The following DIP2C variants were observed in gnomAD, a reference collection of about 807,000 sequenced individuals.
The protein encoded by DIP2C is disco-interacting protein 2 homolog C.
In DIP2C, 33 loss-of-function variants were observed where a neutral mutation model predicts 192.4. The ratio of observed to expected loss-of-function variants is 0.17; its 90% CI spans 0.13 to 0.23. DIP2C has a LOEUF of 0.23. DIP2C is among the 10% of genes least tolerant of loss of function. The pLI, the probability that DIP2C is intolerant of heterozygous loss-of-function variation, is 1.00. For synonymous variants in DIP2C, 979 were observed against 864.1 expected (o/e 1.13, Z -2.33); for missense variants, 1,537 against 2,110.1 (o/e 0.73, Z 5.32).
intron 28 of DIP2C, among the ~76,000 whole-genome samples, chr10:343,478 C>G (rs1958261376): frequency 6.6e-6 from 1 of 152,198 alleles, no homozygotes; most frequent in Non-Finnish European, 1.5e-5. Flanking sequence ...AACGTTCCAT[C>G]ACTATTGGAA....
chr10:282,259 C>T (rs1954871822), intron 35 of DIP2C: 1 of 152,292 alleles, frequency 6.6e-6, no homozygotes. Context: ...GCTTCCAGGA[C>T]TCAGCGGGAC....
intron 4 of DIP2C, among the ~76,000 whole-genome samples, chr10:423,680 T>C (rs1007700843): frequency 3.3e-5 from 5 of 152,218 alleles, no homozygotes; most frequent in Non-Finnish European, 5.9e-5. Context: ...GATTTGTGCG[T>C]TGGTGTGTTA....
At chr10:603,979 C>CA (rs1322103579) in intron 1 of DIP2C, among the ~76,000 whole-genome samples, 1 of 150,660 alleles carries the variant, frequency 6.6e-6, no homozygotes, top group Non-Finnish European at 1.5e-5. Context: ...CCCCAAGCCC[C>CA]TCCGGCCCCA....
chr10:276,521 AACATT>A lies in DIP2C; in HGVS notation c.*799_*803del, dbSNP rs1323138901. The A allele has an allele frequency of 6.6e-5, 10 of 152,580 alleles. No individual in the cohort carries two copies. The highest frequency in any genetic ancestry group is 2.4e-4 in the African/African-American group (10 of 41,446). 9.5% of individuals were successfully genotyped at this position (152,580 alleles called of 1,614,324 possible). A position where few individuals can be genotyped will look rare whatever the true frequency, so the allele number is the denominator to read the frequency against. On this transcript the variant is annotated 3_prime_UTR_variant, in exon 37 of 37. Coordinates refer to ENST00000280886, the MANE Select transcript of DIP2C (RefSeq NM_014974.3). The stretch of plus-strand genomic sequence containing the variant: ...AATACAACACTTTTTTATATTAGCA[AACATT>A]ACAAGACTTTAATATTCTTGAATGT...
rs560315786 is a variant in DIP2C, at chr10:485,209, G to C, written c.157+1250C>G. Among the ~76,000 whole-genome samples, 3 of 152,332 alleles carry C rather than the reference G, an allele frequency of 2.0e-5. No homozygotes were observed. In the East Asian group the frequency reaches 5.8e-4, roughly 29 times the overall value. ...AGGCAAGAAAGTTAAAACCAACAGC[G>C]TCCGTGGCCTACAGTCAGACCCCAC... On this transcript the variant is annotated intron_variant, in intron 2 of 36. Transcript: ENST00000280886.
At chr10:604,471 A>T (rs896669472) in intron 1 of DIP2C, among the ~76,000 whole-genome samples, 3 of 152,228 alleles carry the variant, frequency 2.0e-5, no homozygotes, top group Non-Finnish European at 4.4e-5. Flanking sequence ...AGGCCAAGCA[A>T]TAAGACTTTC....
At chr10:662,996 C>T (rs1306453477) in intron 1 of DIP2C, 1 of 712,338 alleles carries the variant, frequency 1.4e-6, no homozygotes, top group Non-Finnish European at 2.6e-6. Context: ...CTGAACGTCA[C>T]ACAAAAGGGT....
Position 573,705 on chromosome 10 carries a change from G to A in DIP2C, c.86-87175C>T, listed in dbSNP as rs567642926. Among the ~76,000 whole-genome samples the A allele has an allele frequency of 2.0e-3, 305 of 150,264 alleles. 1 individual carries two copies. The highest frequency in any genetic ancestry group is 0.01 in the Middle Eastern group (3 of 294). ...GATTACAGGCATGAGCCATCACGCC[G>A]GCTTTTTTTTTCCTCTTTTCTTTTT... On this transcript the variant is annotated intron_variant, in intron 1 of 36. Coordinates refer to ENST00000280886, the MANE Select transcript of DIP2C (RefSeq NM_014974.3).
intron 29 of DIP2C, among the ~76,000 whole-genome samples, chr10:337,756 G>A (rs1589526338): frequency 1.4e-5 from 2 of 144,732 alleles, no homozygotes; most frequent in South Asian, 2.3e-4. Flanking sequence ...CTAGGCTGAT[G>A]TGTGTGTGTG....
chr10:656,400 T>C (rs1417074206), intron 1 of DIP2C, among the ~76,000 whole-genome samples: 1 of 152,188 alleles, frequency 6.6e-6, no homozygotes, highest in Non-Finnish European at 1.5e-5. Context: ...TTCTATACAG[T>C]ATCAGGCATC....
At chr10:608,128 CCAACACA>C (rs200433439) in intron 1 of DIP2C, among the ~76,000 whole-genome samples, 24 of 116,918 alleles carry the variant, frequency 2.1e-4, no homozygotes, top group African/African-American at 6.8e-4. Context: ...ACACACAGCC[CCAACACA>C]CACACAGCCC....
chr10:607,618 G>A (rs368839858), intron 1 of DIP2C, among the ~76,000 whole-genome samples: 2 of 152,212 alleles, frequency 1.3e-5, no homozygotes, highest in East Asian at 1.9e-4. Flanking sequence ...TAATAGTTTC[G>A]ACTTACAACG....
At chr10:674,803 G>GAGAGAGAGAA (rs1220912485) in intron 1 of DIP2C, among the ~76,000 whole-genome samples, 7 of 115,640 alleles carry the variant, frequency 6.1e-5, no homozygotes, top group African/African-American at 2.5e-4. Context: ...GAGAGAGAGA[G>GAGAGAGAGAA]AGAGAGAGAG....
rs7086589 is a variant in DIP2C at position 508,547 on chromosome 10, G to A, written c.86-22017C>T. The stretch of plus-strand genomic sequence containing the variant: ...CCATTGTGCTGGTTCCGGATTTCCT[G>A]TGAGCCGCTAAGCTCTTCGCAGCAA... On this transcript the variant is annotated intron_variant, in intron 1 of 36. Coordinates refer to ENST00000280886, the MANE Select transcript of DIP2C (RefSeq NM_014974.3). Among the ~76,000 whole-genome samples the A allele has an allele frequency of 1.8e-3, 276 of 152,294 alleles. 1 individual carries two copies. Among genetic ancestry groups the A allele is most frequent in the African/African-American group, 6.3e-3 (263 of 41,548 alleles).
intron 3 of DIP2C, among the ~76,000 whole-genome samples, chr10:447,652 G>A (rs1968380757): frequency 7.3e-6 from 1 of 137,498 alleles, no homozygotes; most frequent in Non-Finnish European, 1.5e-5. Flanking sequence ...CAGTGGGGCA[G>A]CAGGACCCAA....
At position 666,584 on chromosome 10, in the gene DIP2C, G is replaced by T. The variant is rs954415351; in HGVS notation, c.85+22910C>A. The T allele has an allele frequency of 1.3e-5, 2 of 150,224 alleles. No homozygotes were observed. The highest frequency in any genetic ancestry group is 3.0e-5 in the Non-Finnish European group (2 of 67,458). The allele number at this position is 150,224 out of a possible 1,614,324, so 9.3% of individuals were successfully genotyped here. ...TAGAACTGGGGGTAAGCAAAGCCAC[G>T]AGGTCGGCCCGTGGCCTGTCTGCCC... On this transcript the variant is annotated intron_variant, in intron 1 of 36. Coordinates refer to ENST00000280886, the MANE Select transcript of DIP2C (RefSeq NM_014974.3). This position sits in a 1 kb window ranked among gnomAD's most constrained non-coding sequence, Gnocchi z 4.1.
chr10:567,850 G>C (rs533646032), intron 1 of DIP2C, among the ~76,000 whole-genome samples: 3 of 152,058 alleles, frequency 2.0e-5, no homozygotes, highest in Non-Finnish European at 4.4e-5. Flanking sequence ...AGCTGGTCTC[G>C]AACTCCTGAC....
intron 1 of DIP2C, among the ~76,000 whole-genome samples, chr10:593,805 C>CAAGA (rs977978270): frequency 7.5e-4 from 115 of 152,318 alleles, no homozygotes; most frequent in African/African-American, 2.5e-3. Flanking sequence ...GTAAAGTCCA[C>CAAGA]AAGAAAGGGA....
intron 36 of DIP2C, among the ~76,000 whole-genome samples, chr10:278,143 G>A (rs565674732): frequency 6.2e-4 from 93 of 149,244 alleles, no homozygotes; most frequent in African/African-American, 2.2e-3. Flanking sequence ...CTGTCTGTGC[G>A]CCCGAGTCCA....
Sources: gnomAD v4.1 joint callset for allele counts (sites outside exome capture counted in the v4.1 genomes callset) on GRCh38, gnomAD v4.1.1 for gene constraint, Gnocchi (gnomAD v3.1) non-coding constraint, MANE v1.5 for transcripts, NCBI Gene and HGNC (gene_info 2026-07-23, HGNC 2026-07-21) for gene names.